Variants in ALK observed in about 807,000 individuals in gnomAD.
ALK encodes ALK tyrosine kinase receptor.
Under a neutral mutation model 163.1 loss-of-function variants are expected in ALK, and 74 were observed. That is an observed-to-expected ratio of 0.45 (90% CI 0.38 to 0.55). ALK has a LOEUF of 0.55. Ranked by LOEUF, ALK falls within the 20% of genes least tolerant of loss-of-function variation. ALK has a pLI of 0.00. For missense variants in ALK, 2,063 were observed against 2,105.3 expected, an observed-to-expected ratio of 0.98 and a Z score of 0.39; for synonymous variants, 960 against 843.2, an observed-to-expected ratio of 1.14 and a Z score of -2.40.
At chr2:29,221,223 T>C (rs1408891942) in intron 22 of ALK, 1 of 537,962 alleles carries the variant, frequency 1.9e-6, no homozygotes, top group Non-Finnish European at 3.7e-6. Context: ...GCAAAACAAC[T>C]GCTTCCAAGA....
chr2:29,439,583 G>A (rs867114252), intron 4 of ALK, among the ~76,000 whole-genome samples: 28 of 151,928 alleles, frequency 1.8e-4, no homozygotes, highest in African/African-American at 6.5e-4. Context: ...CTAACTCCTG[G>A]CACCTGTGAA....
intron 1 of ALK, among the ~76,000 whole-genome samples, chr2:29,824,030 G>A (rs1357261104): frequency 1.3e-5 from 2 of 152,190 alleles, no homozygotes; most frequent in Non-Finnish European, 2.9e-5. Context: ...GCTGTGTGCA[G>A]TCTAGGGACT....
In ALK at chr2:29,665,695, T is replaced by C. The variant is rs140225461; in HGVS notation, c.952+29155A>G. On this transcript the variant is annotated intron_variant, in intron 3 of 28. Transcript: ENST00000389048. ...GGCTAAGAACATTACACCCACTTCATCATTCAGAATTAGAGTTGAAATTAA... is the reference window on the plus strand; with the variant it reads ...GGCTAAGAACATTACACCCACTTCACCATTCAGAATTAGAGTTGAAATTAA... Among the ~76,000 whole-genome samples, 501 of 152,200 alleles carry C rather than the reference T, an allele frequency of 3.3e-3. 2 individuals carry two copies. The highest frequency in any genetic ancestry group is 5.1e-3 in the Non-Finnish European group (346 of 67,992).
chr2:29,869,302 C>T (rs1014372301), intron 1 of ALK, among the ~76,000 whole-genome samples: 5 of 152,166 alleles, frequency 3.3e-5, no homozygotes, highest in Non-Finnish European at 5.9e-5. Flanking sequence ...CCTTGATTTG[C>T]ATGTCCCTTG....
At chr2:29,287,128 T>C (rs1240533498) in intron 9 of ALK, among the ~76,000 whole-genome samples, 1 of 152,240 alleles carries the variant, frequency 6.6e-6, no homozygotes, top group African/African-American at 2.4e-5. Context: ...TGAACGCTTC[T>C]TGTGTGCACC....
intron 1 of ALK, among the ~76,000 whole-genome samples, chr2:29,818,078 T>C (rs1015424994): frequency 4.6e-5 from 7 of 152,182 alleles, no homozygotes; most frequent in African/African-American, 9.7e-5. Flanking sequence ...CTCGCCAAAC[T>C]CCACTGTGCG....
At chr2:29,365,835 C>G (rs1204192069) in intron 5 of ALK, among the ~76,000 whole-genome samples, 2 of 152,146 alleles carry the variant, frequency 1.3e-5, no homozygotes, top group African/African-American at 2.4e-5. Context: ...ATTATTTTAG[C>G]TAGAGACAGC....
chr2:29,458,733 A>G (rs765816633), intron 4 of ALK, among the ~76,000 whole-genome samples: 9 of 152,142 alleles, frequency 5.9e-5, no homozygotes, highest in Non-Finnish European at 1.2e-4. Context: ...ATTAAGATTG[A>G]ATTCTCCTGG....
chr2:29,209,250 C>T (rs1669397527), intron 25 of ALK, among the ~76,000 whole-genome samples: 1 of 152,062 alleles, frequency 6.6e-6, no homozygotes, highest in Non-Finnish European at 1.5e-5. Context: ...TAATTAAGAA[C>T]TTGGTGTTGG....
chr2:29,822,225 T>C (rs1665067832), intron 1 of ALK, among the ~76,000 whole-genome samples: 1 of 152,138 alleles, frequency 6.6e-6, no homozygotes. Flanking sequence ...CTGCCCCCTA[T>C]CTAACGAGGA....
intron 4 of ALK, among the ~76,000 whole-genome samples, chr2:29,411,179 T>A (rs1423010687): frequency 3.3e-5 from 5 of 152,224 alleles, no homozygotes; most frequent in African/African-American, 4.8e-5. Context: ...GGATCATCAG[T>A]ATCACAGTTT....
chr2:29,383,245 C>T (rs1341072609), intron 5 of ALK, among the ~76,000 whole-genome samples: 1 of 151,920 alleles, frequency 6.6e-6, no homozygotes, highest in African/African-American at 2.4e-5. Context: ...TCATTTTATA[C>T]CAGCTCTTTG....
At chr2:29,499,722 A>T (rs1402725259) in intron 4 of ALK, among the ~76,000 whole-genome samples, 1 of 151,896 alleles carries the variant, frequency 6.6e-6, no homozygotes, top group Non-Finnish European at 1.5e-5. Context: ...CATTTTCACC[A>T]CCGTGAACCA....
chr2:29,921,302 C>T lies in ALK; in HGVS notation c.-643G>A, dbSNP rs565008454. On this transcript the variant is annotated 5_prime_UTR_variant, in exon 1 of 29. Coordinates refer to ENST00000389048, the MANE Select transcript of ALK (RefSeq NM_004304.5). ...ACTTCTGGGCGTGAATCCCAGCCCC[C>T]GCGCTGCGCAAGTTTGCAGCGTCCT... is the stretch of plus-strand genomic sequence containing the variant. The T allele has an allele frequency of 6.9e-5, 16 of 233,362 alleles. No individual in the cohort carries two copies. Among genetic ancestry groups the T allele is most frequent in the African/African-American group, 2.9e-4 (13 of 45,488 alleles). The allele number at this position is 233,362 out of a possible 1,614,324, so 14.5% of individuals were successfully genotyped here.
chr2:29,298,660 C>T (rs186903767), intron 8 of ALK, among the ~76,000 whole-genome samples: 42 of 152,300 alleles, frequency 2.8e-4, no homozygotes, highest in African/African-American at 9.6e-4. Context: ...CCCTGGTTCC[C>T]ACCTCCTAAT....
intron 3 of ALK, among the ~76,000 whole-genome samples, chr2:29,693,093 C>A (rs1231604626): frequency 1.3e-5 from 2 of 151,872 alleles, no homozygotes; most frequent in Non-Finnish European, 2.9e-5. Flanking sequence ...AGAGTGGTTA[C>A]CTTGGAGGGT....
chr2:29,431,746 C>T (rs941931359), intron 4 of ALK, among the ~76,000 whole-genome samples: 11 of 152,100 alleles, frequency 7.2e-5, no homozygotes, highest in African/African-American at 2.4e-4. Context: ...AAAGCTCCTG[C>T]AGTCATTGTG....
intron 1 of ALK, among the ~76,000 whole-genome samples, chr2:29,909,468 G>GAGAC (rs1182660625): frequency 8.7e-5 from 12 of 138,098 alleles, no homozygotes; most frequent in Admixed American, 3.8e-4. Flanking sequence ...CACACAGAGA[G>GAGAC]AGACAGACAG....
chr2:29,383,182 G>T (rs1035884454), intron 5 of ALK, among the ~76,000 whole-genome samples: 1 of 151,958 alleles, frequency 6.6e-6, no homozygotes, highest in African/African-American at 2.4e-5. Flanking sequence ...CCTCCGTTAG[G>T]CCCCAATGTC....
Sources: gnomAD v4.1 joint callset for allele counts (sites outside exome capture counted in the v4.1 genomes callset) on GRCh38, gnomAD v4.1.1 for gene constraint, MANE v1.5 for transcripts, NCBI Gene and HGNC (gene_info 2026-07-23, HGNC 2026-07-21) for gene names.